TRUB1: variants seen among roughly 807,000 people sequenced by gnomAD.
TRUB1 encodes pseudouridylate synthase TRUB1.
In TRUB1, 23 loss-of-function variants were observed where a neutral mutation model predicts 33.9. That is an observed-to-expected ratio of 0.68 (90% CI 0.49 to 0.96). The LOEUF (loss-of-function observed/expected upper bound fraction) is 0.96, where lower values mean the gene tolerates loss of function less well. Among genes scored for constraint, TRUB1 ranks in the 40% least tolerant of loss-of-function variants. The probability of loss-of-function intolerance (pLI) is 0.00; values close to 1 mark genes in which losing one functional copy is unlikely to be tolerated. For synonymous variants in TRUB1, 163 were observed against 165.4 expected, an observed-to-expected ratio of 0.99 and a Z score of 0.11; for missense variants, 378 against 422.2, an observed-to-expected ratio of 0.90 and a Z score of 0.92.
At chr10:114,964,709 T>G (rs2084299116) in intron 4 of TRUB1, among the ~76,000 whole-genome samples, 1 of 152,196 alleles carries the variant, frequency 6.6e-6, no homozygotes, top group Non-Finnish European at 1.5e-5. Flanking sequence ...GGATGTCCAG[T>G]TGCTTCAGCA....
At chr10:114,970,926 A>G (rs766699926) in intron 5 of TRUB1, among the ~76,000 whole-genome samples, 1 of 152,256 alleles carries the variant, frequency 6.6e-6, no homozygotes, top group African/African-American at 2.4e-5. Context: ...TATTAAAAAT[A>G]CAAGTATATT....
chr10:114,938,217 G>T lies in TRUB1; in HGVS notation c.-37G>T. 1 of 1,604,702 alleles carries T rather than the reference G, an allele frequency of 6.2e-7. No homozygotes were observed. Among genetic ancestry groups the T allele is most frequent in the Non-Finnish European group, 8.5e-7 (1 of 1,177,104 alleles). ...CGCACTCTTGTTGCATCATCAGCGTGCACCTCCACGATGAAACAGGTCTGG... is the reference window on the plus strand; with the variant it reads ...CGCACTCTTGTTGCATCATCAGCGTTCACCTCCACGATGAAACAGGTCTGG... On this transcript the variant is annotated 5_prime_UTR_variant, in exon 1 of 8. Coordinates refer to ENST00000298746, the MANE Select transcript of TRUB1 (RefSeq NM_139169.5).
chr10:114,942,948 T>TA (rs1265255193), intron 2 of TRUB1, among the ~76,000 whole-genome samples: 1 of 152,250 alleles, frequency 6.6e-6, no homozygotes, highest in East Asian at 1.9e-4. Flanking sequence ...TAGCTACTTT[T>TA]ATGTGTGGAT....
intron 6 of TRUB1, among the ~76,000 whole-genome samples, chr10:114,973,816 T>C (rs6585311): frequency 0.46 from 69,362 of 151,974 alleles, 18,444 homozygotes; most frequent in African/African-American, 0.73. Context: ...TACGGTACCC[T>C]AAACATAATT....
chr10:114,938,404 G>A lies in TRUB1; in HGVS notation c.151G>A (p.Gly51Arg), dbSNP rs773598906. Residue 51 changes from glycine to arginine, a missense_variant, in exon 1 of 8, where the codon GGA becomes AGA. Physicochemically the swap from Gly to Arg is moderately radical, Grantham distance 125 (BLOSUM62 -2). Transcript: ENST00000298746. Reference protein sequence around the residue: ...AAVVAAAARTGSEARVSKAAL... With the variant: ...AAVVAAAARTRSEARVSKAAL... ...GGTGGTTGCGGCCGCGGCCAGGACCGGATCCGAAGCCAGGGTCTCCAAGGC... is the reference window on the plus strand; with the variant it reads ...GGTGGTTGCGGCCGCGGCCAGGACCAGATCCGAAGCCAGGGTCTCCAAGGC... 6 of 1,603,036 alleles carry A rather than the reference G, an allele frequency of 3.7e-6. No individual in the cohort carries two copies. Among genetic ancestry groups the A allele is most frequent in the South Asian group, 1.1e-5 (1 of 90,126 alleles).
intron 1 of TRUB1, among the ~76,000 whole-genome samples, chr10:114,942,336 A>T (rs2084191652): frequency 6.6e-6 from 1 of 152,130 alleles, no homozygotes; most frequent in Admixed American, 6.6e-5. Context: ...CACTACCAAG[A>T]ATTTACTAGA....
intron 3 of TRUB1, among the ~76,000 whole-genome samples, chr10:114,956,201 A>C (rs2084261107): frequency 6.6e-6 from 1 of 152,222 alleles, no homozygotes; most frequent in Non-Finnish European, 1.5e-5. Context: ...TGTGAGTCCC[A>C]GAGAGTACAC....
Position 114,971,210 on chromosome 10 carries a change from C to T in TRUB1, c.596+770C>T, listed in dbSNP as rs74159821. On this transcript the variant is annotated intron_variant, in intron 5 of 7. Transcript: ENST00000298746. ...GCTGCGCCCTACGACCTAATTACCT[C>T]CCAGAAGACCCTACCTCCTAATATC... Among the ~76,000 whole-genome samples the T allele has an allele frequency of 4.3e-3, 650 of 152,278 alleles. 2 individuals are homozygous for T. The highest frequency in any genetic ancestry group is 0.015 in the African/African-American group (621 of 41,566).
At position 114,938,300 on chromosome 10, in the gene TRUB1, C is replaced by A; in HGVS notation, c.47C>A (p.Thr16Lys). Reference sequence around the variant, plus strand: ...GTGGTGTCTTCGCCGTCTTTGAAAACAGACACATCCCCTGTCCTTGAAACT... The same window carrying A: ...GTGGTGTCTTCGCCGTCTTTGAAAAAAGACACATCCCCTGTCCTTGAAACT... Reference protein sequence around the residue: ...AAVVSSPSLKTDTSPVLETAG... With the variant: ...AAVVSSPSLKKDTSPVLETAG... Residue 16 changes from threonine (T) to lysine (K), a missense_variant, in exon 1 of 8, where the codon ACA becomes AAA. Coordinates refer to ENST00000298746, the MANE Select transcript of TRUB1 (RefSeq NM_139169.5). 1 of 1,614,240 alleles carries A rather than the reference C, an allele frequency of 6.2e-7. No homozygotes were observed. The highest frequency in any genetic ancestry group is 1.1e-5 in the South Asian group (1 of 91,090).
chr10:114,944,954 CA>C (rs1453398879), intron 2 of TRUB1, among the ~76,000 whole-genome samples: 3 of 151,876 alleles, frequency 2.0e-5, no homozygotes, highest in Admixed American at 6.6e-5. Context: ...CACTGCACCC[CA>C]AAAAAACAAG....
intron 1 of TRUB1, among the ~76,000 whole-genome samples, chr10:114,939,865 T>G (rs1274747193): frequency 1.3e-5 from 2 of 151,232 alleles, no homozygotes. Flanking sequence ...ATGATTACCA[T>G]TCTTTCAGAC....
rs1263381500 is a variant in TRUB1, at chr10:114,976,600, T to C, written c.*1221T>C. 1 of 152,212 alleles carries C rather than the reference T, an allele frequency of 6.6e-6. No homozygotes were observed. The highest frequency in any genetic ancestry group is 1.5e-5 in the Non-Finnish European group (1 of 68,012). 9.4% of individuals were successfully genotyped at this position (152,212 alleles called of 1,614,324 possible). On this transcript the variant is annotated 3_prime_UTR_variant, in exon 8 of 8. Coordinates refer to ENST00000298746, the MANE Select transcript of TRUB1 (RefSeq NM_139169.5). ...TAAAATACAAGTTTTTAGATGTTTATGCTTTGCCTTTCTTTTTAAAGGTGT... is the reference window on the plus strand; with the variant it reads ...TAAAATACAAGTTTTTAGATGTTTACGCTTTGCCTTTCTTTTTAAAGGTGT...
Position 114,948,279 on chromosome 10 carries a change from C to T in TRUB1, c.386-2815C>T, listed in dbSNP as rs188875483. Among the ~76,000 whole-genome samples the T allele has an allele frequency of 8.5e-5, 13 of 152,276 alleles. No homozygotes were observed. The East Asian group carries it at 2.5e-3, about 29-fold the overall frequency. On this transcript the variant is annotated intron_variant, in intron 2 of 7. Transcript: ENST00000298746. ...TATAAGCTGCTCATCTCTCTCAGCA[C>T]CTTTGGTTGTAGAAGTCCTACTGAC...
intron 2 of TRUB1, among the ~76,000 whole-genome samples, chr10:114,949,303 C>T (rs187633240): frequency 2.1e-4 from 32 of 152,274 alleles, no homozygotes; most frequent in African/African-American, 6.3e-4. Flanking sequence ...GGAATCAAGT[C>T]GCATTGAATC....
At chr10:114,959,013 G>A (rs1359542935) in intron 3 of TRUB1, among the ~76,000 whole-genome samples, 2 of 152,134 alleles carry the variant, frequency 1.3e-5, no homozygotes, top group South Asian at 2.1e-4. Context: ...GCGGGTGCCT[G>A]TAATCCCAGC....
intron 2 of TRUB1, among the ~76,000 whole-genome samples, chr10:114,946,668 C>T (rs1454876506): frequency 3.3e-5 from 5 of 151,910 alleles, no homozygotes; most frequent in Non-Finnish European, 7.4e-5. Context: ...AACAAACAAA[C>T]AAACAAACAA....
At chr10:114,943,485 G>A (rs773107706) in intron 2 of TRUB1, among the ~76,000 whole-genome samples, 7 of 152,028 alleles carry the variant, frequency 4.6e-5, no homozygotes, top group Admixed American at 6.6e-5. Flanking sequence ...AGCCGAGATC[G>A]CACCACTGCA....
At chr10:114,958,351 T>C (rs565005701) in intron 3 of TRUB1, among the ~76,000 whole-genome samples, 1 of 152,348 alleles carries the variant, frequency 6.6e-6, no homozygotes, top group African/African-American at 2.4e-5. Flanking sequence ...TTGAAATGCG[T>C]TGGAATATTC....
intron 6 of TRUB1, among the ~76,000 whole-genome samples, chr10:114,973,242 A>G (rs2084344895): frequency 6.6e-6 from 1 of 152,216 alleles, no homozygotes; most frequent in Non-Finnish European, 1.5e-5. Context: ...GCTCCATTCC[A>G]TGGAAATGAA....
Sources: gnomAD v4.1 joint callset for allele counts (sites outside exome capture counted in the v4.1 genomes callset) on GRCh38, gnomAD v4.1.1 for gene constraint, MANE v1.5 for transcripts, NCBI Gene and HGNC (gene_info 2026-07-23, HGNC 2026-07-21) for gene names.